ZNF383: variants seen among roughly 807,000 people sequenced by gnomAD.
The protein encoded by ZNF383 is zinc finger protein 383.
ZNF383 carries 32 observed loss-of-function variants against 44.2 expected under a neutral mutation model. The ratio of observed to expected loss-of-function variants is 0.72; its 90% CI spans 0.55 to 0.97. The LOEUF (loss-of-function observed/expected upper bound fraction) is 0.97. Among genes scored for constraint, ZNF383 ranks in the 50% least tolerant of loss-of-function variants. The pLI is 0.00. For missense variants in ZNF383, 487 were observed against 562.5 expected, an observed-to-expected ratio of 0.87 and a Z score of 1.36; for synonymous variants, 155 against 186.2, an observed-to-expected ratio of 0.83 and a Z score of 1.36.
chr19:37,222,654 AG>A (rs1972979933), intron 1 of ZNF383, among the ~76,000 whole-genome samples: 1 of 152,232 alleles, frequency 6.6e-6, no homozygotes, highest in South Asian at 2.1e-4. Context: ...GTGGGATTAC[AG>A]GTGTGAGCCA....
rs1974423309 is a variant in ZNF383 at position 37,247,843 on chromosome 19, A to C, written c.*4179A>C. The C allele has an allele frequency of 6.6e-6, 1 of 152,226 alleles. No individual in the cohort carries two copies. The highest frequency in any genetic ancestry group is 2.4e-5 in the African/African-American group (1 of 41,458). 9.4% of individuals were successfully genotyped at this position (152,226 alleles called of 1,614,324 possible). A position where few individuals can be genotyped will look rare whatever the true frequency, so the allele number is the denominator to read the frequency against. On this transcript the variant is annotated 3_prime_UTR_variant, in exon 6 of 6. Coordinates refer to ENST00000684119, the MANE Select transcript of ZNF383 (RefSeq NM_001387601.1). ...CCCTCCAGAATAAACTTATTTAAAAAAATAAGACTGGCCAGGCATGGTGGC... is the reference window on the plus strand; with the variant it reads ...CCCTCCAGAATAAACTTATTTAAAACAATAAGACTGGCCAGGCATGGTGGC...
At chr19:37,237,277 GCTAA>G (rs1248599473) in intron 5 of ZNF383, among the ~76,000 whole-genome samples, 8 of 152,136 alleles carry the variant, frequency 5.3e-5, no homozygotes, top group Non-Finnish European at 8.8e-5. Flanking sequence ...AAAGTCAAAG[GCTAA>G]CTATGTAGAA....
chr19:37,240,883 G>C (rs1033086968), intron 5 of ZNF383, among the ~76,000 whole-genome samples: 2 of 152,006 alleles, frequency 1.3e-5, no homozygotes, highest in African/African-American at 4.8e-5. Context: ...CTCAGCTCAC[G>C]GCAGCCTCTG....
chr19:37,233,585 A>G (rs151075429), intron 3 of ZNF383, among the ~76,000 whole-genome samples: 2,442 of 151,482 alleles, frequency 0.016, 55 homozygotes, highest in African/African-American at 0.055. Flanking sequence ...GCACACCACC[A>G]CAACTGGCTA....
intron 1 of ZNF383, among the ~76,000 whole-genome samples, chr19:37,218,698 A>G (rs965739761): frequency 1.3e-5 from 2 of 152,132 alleles, no homozygotes; most frequent in African/African-American, 4.8e-5. Context: ...TGGATGCCTT[A>G]CTGAGTAAAT....
At chr19:37,242,424 T>G in intron 5 of ZNF383, 45 bp from the exon 6 acceptor site, 1 of 1,344,014 alleles carries the variant, frequency 7.4e-7, no homozygotes, top group South Asian at 1.4e-5. Context: ...GTTTAATTTT[T>G]CACAAATAGG....
intron 3 of ZNF383, among the ~76,000 whole-genome samples, chr19:37,230,967 T>C (rs1461373646): frequency 6.6e-6 from 1 of 152,200 alleles, no homozygotes. Context: ...TGGTGGCTGA[T>C]ACAGAGCTCT....
At chr19:37,234,579 A>G (rs1374186382) in intron 3 of ZNF383, among the ~76,000 whole-genome samples, 2 of 151,816 alleles carry the variant, frequency 1.3e-5, no homozygotes, top group Admixed American at 6.6e-5. Flanking sequence ...TTTAGTAGAG[A>G]CAGGGTTTCA....
At position 37,244,832 on chromosome 19, in the gene ZNF383, A is replaced by G. The variant is rs1360974872; in HGVS notation, c.*1168A>G. 6.6e-6 allele frequency: 1 copy of G among 152,216 alleles called. No homozygotes were observed. Among genetic ancestry groups the G allele is most frequent in the African/African-American group, 2.4e-5 (1 of 41,454 alleles). The allele number at this position is 152,216 out of a possible 1,614,324, so 9.4% of individuals were successfully genotyped here. On this transcript the variant is annotated 3_prime_UTR_variant, in exon 6 of 6. Transcript: ENST00000684119. ...TCGTGCTATACTTTGCTTTTTTAAGAAAGTGTAATTATGATATGCATGCTG... is the reference window on the plus strand; with the variant it reads ...TCGTGCTATACTTTGCTTTTTTAAGGAAGTGTAATTATGATATGCATGCTG...
chr19:37,239,827 G>C (rs916945955), intron 5 of ZNF383, among the ~76,000 whole-genome samples: 7 of 152,280 alleles, frequency 4.6e-5, no homozygotes, highest in African/African-American at 1.4e-4. Context: ...GAAGAGGGCA[G>C]TTTCAAAACT....
chr19:37,242,538 A>T lies in ZNF383; in HGVS notation c.302A>T (p.Gln101Leu). 6.2e-7 allele frequency: 1 copy of T among 1,613,968 alleles called. No individual in the cohort carries two copies. Reference sequence around the variant, plus strand: ...GAAGTTTATGAAATAGAATTATGCCAGAGGGAGATAATGGGACTTACAAAG... The same window carrying T: ...GAAGTTTATGAAATAGAATTATGCCTGAGGGAGATAATGGGACTTACAAAG... ...KKEVYEIELC[Q>L]REIMGLTKHG... The change falls in exon 6 of 6, where the codon CAG (glutamine) becomes CTG (leucine). Residue 101 changes from glutamine to leucine, a missense_variant. Gln to Leu is a moderately radical substitution (Grantham distance 113). Transcript: ENST00000684119.
In ZNF383 at chr19:37,247,045, A is replaced by G. The variant is rs771092848; in HGVS notation, c.*3381A>G. On this transcript the variant is annotated 3_prime_UTR_variant, in exon 6 of 6. Transcript: ENST00000684119. ...TAAGGAATAAATCCCTAATATATAC[A>G]TTATTTAAATGTACATGAAAATGAA... 2.0e-5 allele frequency: 3 copies of G among 152,212 alleles called. No homozygotes were observed. The highest frequency in any genetic ancestry group is 4.4e-5 in the Non-Finnish European group (3 of 68,046). 9.4% of individuals were successfully genotyped at this position (152,212 alleles called of 1,614,324 possible). A position where few individuals can be genotyped will look rare whatever the true frequency, so the allele number is the denominator to read the frequency against.
intron 1 of ZNF383, among the ~76,000 whole-genome samples, chr19:37,224,575 G>A (rs553523485): frequency 2.6e-5 from 4 of 151,668 alleles, no homozygotes; most frequent in Non-Finnish European, 5.9e-5. Flanking sequence ...TTTGAGAGAC[G>A]GGCCTCTCAC....
At position 37,243,470 on chromosome 19, in the gene ZNF383, C is replaced by T; in HGVS notation, c.1234C>T (p.His412Tyr). 1 of 1,613,978 alleles carries T rather than the reference C, an allele frequency of 6.2e-7. No homozygotes were observed. The highest frequency in any genetic ancestry group is 8.5e-7 in the Non-Finnish European group (1 of 1,179,888). Residue 412 changes from histidine (H) to tyrosine (Y), a missense_variant, in exon 6 of 6, where the codon CAT becomes TAT. Physicochemically the swap from His to Tyr is moderately conservative, Grantham distance 83 (BLOSUM62 2). Coordinates refer to ENST00000684119, the MANE Select transcript of ZNF383 (RefSeq NM_001387601.1). Reference sequence around the variant, plus strand: ...TACTCAGAACTCACAACTTTTCCAGCATCAGAGAATTCATACAGATGAAAA... The same window carrying T: ...TACTCAGAACTCACAACTTTTCCAGTATCAGAGAATTCATACAGATGAAAA... ...AFTQNSQLFQ[H>Y]QRIHTDEKPY...
At chr19:37,241,618 G>T (rs1473361410) in intron 5 of ZNF383, among the ~76,000 whole-genome samples, 1 of 152,052 alleles carries the variant, frequency 6.6e-6, no homozygotes, top group African/African-American at 2.4e-5. Context: ...CTTCTCAGAG[G>T]TCAAGCAGCT....
intron 3 of ZNF383, among the ~76,000 whole-genome samples, chr19:37,233,586 C>G (rs1167985117): frequency 7.2e-5 from 11 of 151,822 alleles, no homozygotes; most frequent in Admixed American, 7.2e-4. Flanking sequence ...CACACCACCA[C>G]AACTGGCTAA....
intron 3 of ZNF383, among the ~76,000 whole-genome samples, chr19:37,232,186 T>C (rs1973524990): frequency 6.6e-6 from 1 of 151,900 alleles, no homozygotes; most frequent in Non-Finnish European, 1.5e-5. Flanking sequence ...AGCAATTCTC[T>C]GCCTCAGCCT....
chr19:37,229,147 ATTTT>A (rs774901192), intron 2 of ZNF383, among the ~76,000 whole-genome samples: 1 of 116,880 alleles, frequency 8.6e-6, no homozygotes. Context: ...AAAAGGTTGA[ATTTT>A]TTTTTTTTTT....
chr19:37,243,776 A>T lies in ZNF383; in HGVS notation c.*112A>T. On this transcript the variant is annotated 3_prime_UTR_variant, in exon 6 of 6. Transcript: ENST00000684119. ...ACTTTGTATTTAAATTTTGTATCCA[A>T]ATGTATTTCATTCCAGGTTATAAAT... The T allele has an allele frequency of 1.4e-6, 1 of 701,544 alleles. No homozygotes were observed. Among genetic ancestry groups the T allele is most frequent in the Non-Finnish European group, 2.2e-6 (1 of 457,318 alleles). 43.5% of individuals were successfully genotyped at this position (701,544 alleles called of 1,614,324 possible).
Sources: gnomAD v4.1 joint callset for allele counts (sites outside exome capture counted in the v4.1 genomes callset) on GRCh38, gnomAD v4.1.1 for gene constraint, MANE v1.5 for transcripts, NCBI Gene and HGNC (gene_info 2026-07-23, HGNC 2026-07-21) for gene names.